CASK: variants seen among roughly 807,000 people sequenced by gnomAD.
CASK encodes the protein peripheral plasma membrane protein CASK.
A neutral mutation model predicts 82.9 loss-of-function variants in CASK; 4 were observed. The observed-to-expected ratio is 0.05, with a 90% confidence interval of 0.02 to 0.11. The LOEUF (loss-of-function observed/expected upper bound fraction) is 0.11. Ranked by LOEUF, CASK falls within the 10% of genes least tolerant of loss-of-function variation. The pLI is 1.00. For missense variants in CASK, 358 were observed against 720.9 expected (o/e 0.50, Z 5.76); for synonymous variants, 259 against 253.5 (o/e 1.02, Z -0.20).
intron 2 of CASK, among the ~76,000 whole-genome samples, chrX:41,821,194 A>C (rs1240704497): frequency 8.9e-6 from 1 of 112,072 alleles, no homozygotes; most frequent in African/African-American, 3.2e-5. Context: ...TGACCAAGGA[A>C]GTGTATCCAG....
At chrX:41,852,587 C>G (rs2071285713) in intron 2 of CASK, among the ~76,000 whole-genome samples, 1 of 110,988 alleles carries the variant, frequency 9.0e-6, no homozygotes. Context: ...TGTATTGAAA[C>G]AAAATTTTAA....
chrX:41,598,911 C>T (rs766195633), intron 12 of CASK, among the ~76,000 whole-genome samples: 2 of 112,094 alleles, frequency 1.8e-5, no homozygotes, highest in East Asian at 5.6e-4. Context: ...TGACTATCTG[C>T]ATGGAGATAG....
chrX:41,527,707 C>T (rs924301975), intron 25 of CASK, among the ~76,000 whole-genome samples: 22 of 112,161 alleles, frequency 2.0e-4, no homozygotes, highest in Non-Finnish European at 3.2e-4. Flanking sequence ...TTGATGATGA[C>T]CTCTTCCGCT....
chrX:41,842,711 C>T (rs373199715), intron 2 of CASK, among the ~76,000 whole-genome samples: 3 of 111,247 alleles, frequency 2.7e-5, no homozygotes, highest in East Asian at 2.8e-4. Context: ...TTGCAAAAAG[C>T]GCCAGTAGGG....
chrX:41,876,389 C>T (rs1361000271), intron 1 of CASK, among the ~76,000 whole-genome samples: 1 of 111,447 alleles, frequency 9.0e-6, no homozygotes, highest in Non-Finnish European at 1.9e-5. Flanking sequence ...ATTCCAGATC[C>T]AAAGTCCATG....
intron 2 of CASK, among the ~76,000 whole-genome samples, chrX:41,810,908 CAA>C (rs972964042): frequency 9.1e-6 from 1 of 110,364 alleles, no homozygotes; most frequent in African/African-American, 3.3e-5. Context: ...AAATGGAAAA[CAA>C]AAAAAGGCAG....
intron 3 of CASK, among the ~76,000 whole-genome samples, chrX:41,783,868 T>C: frequency 8.9e-6 from 1 of 111,869 alleles, no homozygotes; most frequent in Non-Finnish European, 1.9e-5. Flanking sequence ...TGGACATTGA[T>C]TATGTTCTAT....
chrX:41,612,418 G>A (rs1487741448), intron 11 of CASK, among the ~76,000 whole-genome samples: 2 of 103,908 alleles, frequency 1.9e-5, no homozygotes, highest in East Asian at 3.2e-4. Flanking sequence ...GAGCCCCTCC[G>A]CCCGGCAGCC....
At chrX:41,561,430 T>A in intron 17 of CASK, 129 bp downstream of exon 17, 1 of 518,009 alleles carries the variant, frequency 1.9e-6, no homozygotes, top group Non-Finnish European at 3.3e-6. Flanking sequence ...GTTATATAAG[T>A]TCAAGTCCAC....
chrX:41,580,658 A>C (rs2065561831), intron 14 of CASK, among the ~76,000 whole-genome samples: 1 of 111,907 alleles, frequency 8.9e-6, no homozygotes, highest in African/African-American at 3.2e-5. Flanking sequence ...CCACAAAACG[A>C]AACTTAACCT....
At chrX:41,816,876 A>C (rs6610618) in intron 2 of CASK, among the ~76,000 whole-genome samples, 1,145 of 111,480 alleles carry the variant, frequency 0.01, 14 homozygotes, top group African/African-American at 0.035. Context: ...TTCAAAGAAA[A>C]CTTCAGGCCA....
At chrX:41,601,065 A>G (rs112611509) in intron 12 of CASK, among the ~76,000 whole-genome samples, 258 of 111,849 alleles carry the variant, frequency 2.3e-3, no homozygotes, top group African/African-American at 7.9e-3. Context: ...TCATAGGGAC[A>G]GAAAGTAGAA....
At chrX:41,640,623 A>G (rs1024551300) in intron 8 of CASK, among the ~76,000 whole-genome samples, 1 of 112,083 alleles carries the variant, frequency 8.9e-6, no homozygotes, top group African/African-American at 3.2e-5. Flanking sequence ...ATGACTAATG[A>G]TGAACATCTT....
chrX:41,786,395 T>A (rs1309142623), intron 3 of CASK, among the ~76,000 whole-genome samples: 1 of 109,313 alleles, frequency 9.1e-6, no homozygotes, highest in East Asian at 2.8e-4. Flanking sequence ...TACAACCTTT[T>A]TTTTTTTTTT....
At position 41,673,729 on chromosome X, in the gene CASK, G is replaced by A. The variant is rs752056409; in HGVS notation, c.430-2199C>T. Among the ~76,000 whole-genome samples the A allele has an allele frequency of 2.1e-3, 224 of 109,139 alleles. 2 individuals carry two copies. The highest frequency in any genetic ancestry group is 7.1e-3 in the African/African-American group (214 of 29,954). The allele number at this position is 109,139 out of a possible 115,157, so 94.8% of individuals were successfully genotyped here. ...GGAGAAGAAGAAGGAAGCCCAGTGTGTCTGGAAAGGCATGAGAGCAAGGGG... is the reference window on the plus strand; with the variant it reads ...GGAGAAGAAGAAGGAAGCCCAGTGTATCTGGAAAGGCATGAGAGCAAGGGG... On this transcript the variant is annotated intron_variant, in intron 5 of 26. Transcript: ENST00000378163.
rs145763108 is a variant in CASK, at chrX:41,875,562, A to T, written c.60-22335T>A. On this transcript the variant is annotated intron_variant, in intron 1 of 26. Transcript: ENST00000378163. ...ATTGAAGAAAGTGATGTTAAGAACA[A>T]TATAAAGGTTGGGGGTGGGGATTGG... Among the ~76,000 whole-genome samples the T allele has an allele frequency of 2.0e-3, 225 of 111,169 alleles. 1 individual carries two copies. Among genetic ancestry groups the T allele is most frequent in the African/African-American group, 6.9e-3 (212 of 30,555 alleles).
intron 6 of CASK, among the ~76,000 whole-genome samples, chrX:41,668,374 G>T (rs1456146404): frequency 8.9e-6 from 1 of 112,261 alleles, no homozygotes; most frequent in African/African-American, 3.2e-5. Context: ...AGAAGGAATA[G>T]CATGTGCAAG....
intron 2 of CASK, among the ~76,000 whole-genome samples, chrX:41,851,495 T>C (rs1187567160): frequency 2.7e-5 from 3 of 111,887 alleles, no homozygotes; most frequent in Non-Finnish European, 3.8e-5. Flanking sequence ...CTTGGCATTC[T>C]GAGTCTGTAG....
At position 41,862,264 on chromosome X, in the gene CASK, G is replaced by C. The variant is rs138257675; in HGVS notation, c.60-9037C>G. On this transcript the variant is annotated intron_variant, in intron 1 of 26. Coordinates refer to ENST00000378163, the MANE Select transcript of CASK (RefSeq NM_001367721.1). ...GGCATGGTGTTTTGGGCCCTGGCAG[G>C]GTGCAGTGGCTCATGCCTGTAACTC... is the stretch of plus-strand genomic sequence containing the variant. Among the ~76,000 whole-genome samples, 189 of 110,567 alleles carry C rather than the reference G, an allele frequency of 1.7e-3. 1 individual carries two copies. The highest frequency in any genetic ancestry group is 5.9e-3 in the African/African-American group (180 of 30,448).
Sources: allele counts gnomAD v4.1 joint callset (sites outside exome capture counted in the v4.1 genomes callset), GRCh38; gene constraint gnomAD v4.1.1; transcripts MANE v1.5; gene names NCBI Gene and HGNC (gene_info 2026-07-23, HGNC 2026-07-21).